The following LZTS1 variants were observed in gnomAD, a reference collection of about 807,000 sequenced individuals.
The protein encoded by LZTS1 is leucine zipper putative tumor suppressor 1.
A neutral mutation model predicts 45.8 loss-of-function variants in LZTS1; 31 were observed. The ratio of observed to expected loss-of-function variants is 0.68; its 90% CI spans 0.51 to 0.91. The LOEUF (loss-of-function observed/expected upper bound fraction) is 0.91. Among genes scored for constraint, LZTS1 ranks in the 40% least tolerant of loss-of-function variants. The pLI, the probability that LZTS1 is intolerant of heterozygous loss-of-function variation, is 0.00. For missense variants in LZTS1, 821 were observed against 788.9 expected (o/e 1.04, Z -0.49); for synonymous variants, 359 against 357.3 (o/e 1.00, Z -0.05).
chr8:20,255,669 C>T (rs1268205707), intron 1 of LZTS1, among the ~76,000 whole-genome samples: 1 of 151,752 alleles, frequency 6.6e-6, no homozygotes, highest in Non-Finnish European at 1.5e-5. Context: ...CTGCGGGTAC[C>T]AGTGCTGCGG....
chr8:20,253,529 T>C lies in LZTS1; in HGVS notation c.402A>G (p.Ser134=). The C allele has an allele frequency of 6.5e-7, 1 of 1,535,182 alleles. No homozygotes were observed. ...CCGGGGAGGAGTGCAGGATGGCTCC[T>C]GACCGTGGCAGCACAGGCTTGAAGG... ...PTAFKPVLPR[S]GAILHSSPES... The change falls in exon 3 of 4, where the codon TCA becomes TCG. Residue 134 remains serine (S), a synonymous_variant. Coordinates refer to ENST00000381569, the MANE Select transcript of LZTS1 (RefSeq NM_021020.5).
At position 20,250,349 on chromosome 8, in the gene LZTS1, T is replaced by C; in HGVS notation, c.1164A>G (p.Ser388=). The C allele has an allele frequency of 1.2e-6, 2 of 1,602,430 alleles. No homozygotes were observed. The highest frequency in any genetic ancestry group is 2.7e-5 in the African/African-American group (2 of 74,818). The change falls in exon 4 of 4, where the codon TCA becomes TCG. Residue 388 remains serine (S), a synonymous_variant. Transcript: ENST00000381569. ...EETQWEVCQK[S]GEISLLKQQL... is the part of the protein sequence containing the mutation. ...GCTGCTTCAGGAGGGAGATCTCGCC[T>C]GACTTCTGGCACACCTGCCGAGGGT...
In LZTS1 at chr8:20,250,046, C is replaced by T. The variant is rs769578675; in HGVS notation, c.1467G>A (p.Gly489=). ...RAQAALARDM[G]PPTFPEDVPA... ...GGACGTCCTCGGGGAAGGTGGGCGG[C>T]CCCATGTCGCGGGCCAGGGCGGCCT... Residue 489 remains glycine (G), a synonymous_variant, in exon 4 of 4, where the codon GGG becomes GGA. Transcript: ENST00000381569. 6.2e-7 allele frequency: 1 copy of T among 1,608,914 alleles called. No individual in the cohort carries two copies. The highest frequency in any genetic ancestry group is 2.2e-5 in the East Asian group (1 of 44,818).
intron 2 of LZTS1, 110 bp from the exon 3 acceptor site, chr8:20,253,695 A>G: frequency 1.3e-6 from 1 of 769,590 alleles, no homozygotes; most frequent in Non-Finnish European, 2.0e-6. Context: ...CTCTGAGCGC[A>G]CGCAGCACCC....
rs1563847460 is a variant in LZTS1 at position 20,249,898 on chromosome 8, C to A, written c.1615G>T (p.Val539Leu). 2 of 1,614,184 alleles carry A rather than the reference C, an allele frequency of 1.2e-6. No homozygotes were observed. Among genetic ancestry groups the A allele is most frequent in the Admixed American group, 1.7e-5 (1 of 60,030 alleles). Residue 539 changes from valine to leucine, a missense_variant, in exon 4 of 4, where the codon GTG becomes TTG. Coordinates refer to ENST00000381569, the MANE Select transcript of LZTS1 (RefSeq NM_021020.5). Reference protein sequence around the residue: ...RLVWKEEKEKVIQYQKQLQQS... With the variant: ...RLVWKEEKEKLIQYQKQLQQS... ...TGCAGCTGTTTCTGGTACTGAATCA[C>A]CTTCTCCTTCTCCTCCTTCCACACG...
chr8:20,251,112 TATATATATATATATATATA>T (rs200656894), intron 3 of LZTS1, among the ~76,000 whole-genome samples: 38,778 of 88,708 alleles, frequency 0.44, 8,302 homozygotes, highest in East Asian at 0.61. Context: ...TATATATATA[TATATATATATATATATATA>T]TATATATATA....
Position 20,303,745 on chromosome 8 carries a change from C to T in LZTS1, c.-140G>A, listed in dbSNP as rs1233250781. 1.0e-6 allele frequency: 1 copy of T among 985,474 alleles called. No individual in the cohort carries two copies. Among genetic ancestry groups the T allele is most frequent in the East Asian group, 1.1e-4 (1 of 8,824 alleles). 61.0% of individuals were successfully genotyped at this position (985,474 alleles called of 1,614,324 possible). A position where few individuals can be genotyped will look rare whatever the true frequency, so the allele number is the denominator to read the frequency against. On this transcript the variant is annotated 5_prime_UTR_variant, in exon 1 of 4. Coordinates refer to ENST00000381569, the MANE Select transcript of LZTS1 (RefSeq NM_021020.5). Reference sequence around the variant, plus strand: ...CCCCGGCCACCGCACCTTACCTGCCCCCTGCGCCTCGGGCGCACTTGAGAC... The same window carrying T: ...CCCCGGCCACCGCACCTTACCTGCCTCCTGCGCCTCGGGCGCACTTGAGAC...
At chr8:20,295,012 GGGCCCCAAGA>G in intron 1 of LZTS1, among the ~76,000 whole-genome samples, 1 of 152,032 alleles carries the variant, frequency 6.6e-6, no homozygotes, top group African/African-American at 2.4e-5. Context: ...CCTGGGTTGG[GGGCCCCAAGA>G]GGTCCCAAGC....
intron 1 of LZTS1, among the ~76,000 whole-genome samples, chr8:20,268,792 G>T (rs1800416650): frequency 6.6e-6 from 1 of 152,164 alleles, no homozygotes; most frequent in South Asian, 2.1e-4. Context: ...GGGAGCAGGG[G>T]CCCACGCAGC....
chr8:20,292,428 C>A (rs78832743), intron 1 of LZTS1, among the ~76,000 whole-genome samples: 6,773 of 152,254 alleles, frequency 0.044, 518 homozygotes, highest in African/African-American at 0.15. Flanking sequence ...CATATGAGAG[C>A]GGCAGAGAAC....
At chr8:20,272,406 C>T (rs960496616) in intron 1 of LZTS1, among the ~76,000 whole-genome samples, 6 of 152,268 alleles carry the variant, frequency 3.9e-5, no homozygotes, top group East Asian at 1.9e-4. Flanking sequence ...GCCTGACCCC[C>T]CTTCCCAGAT....
intron 1 of LZTS1, among the ~76,000 whole-genome samples, chr8:20,263,189 C>T (rs1469670929): frequency 6.6e-6 from 1 of 152,272 alleles, no homozygotes; most frequent in African/African-American, 2.4e-5. Flanking sequence ...GGTCTTAGTG[C>T]CACTGCCTAC....
intron 1 of LZTS1, among the ~76,000 whole-genome samples, chr8:20,272,492 T>C (rs982213926): frequency 6.6e-6 from 1 of 152,162 alleles, no homozygotes; most frequent in Admixed American, 6.5e-5. Flanking sequence ...GACATGGAAC[T>C]CTTTTTTGAG....
chr8:20,273,709 C>T (rs957661960), intron 1 of LZTS1, among the ~76,000 whole-genome samples: 20 of 152,170 alleles, frequency 1.3e-4, no homozygotes, highest in African/African-American at 4.8e-4. Context: ...CCCTGAGATT[C>T]CATAGCCACT....
At chr8:20,255,403 G>C (rs1031439678) in intron 1 of LZTS1, 88 bp from the exon 2 acceptor site, 46 of 923,074 alleles carry the variant, frequency 5.0e-5, no homozygotes, top group Non-Finnish European at 7.0e-5. Context: ...GGGCAGTAGA[G>C]AAACACATGT....
intron 2 of LZTS1, among the ~76,000 whole-genome samples, 165 bp downstream of exon 2, chr8:20,254,672 C>A (rs527541894): frequency 1.3e-5 from 2 of 152,330 alleles, no homozygotes; most frequent in African/African-American, 4.8e-5. Context: ...AACGTTTGAT[C>A]TCTGCGGTGT....
intron 1 of LZTS1, among the ~76,000 whole-genome samples, chr8:20,284,977 G>A (rs185799775): frequency 1.3e-5 from 2 of 152,176 alleles, no homozygotes; most frequent in African/African-American, 4.8e-5. Flanking sequence ...CTCATGGGGA[G>A]AACTCGGCCG....
chr8:20,296,134 T>C (rs1800975068), intron 1 of LZTS1, among the ~76,000 whole-genome samples: 1 of 152,170 alleles, frequency 6.6e-6, no homozygotes, highest in Non-Finnish European at 1.5e-5. Context: ...GAGGGTGATT[T>C]AGCAGCAAAT....
At position 20,249,516 on chromosome 8, in the gene LZTS1, G is replaced by A. The variant is rs1799823253; in HGVS notation, c.*206C>T. The A allele has an allele frequency of 4.8e-6, 3 of 629,538 alleles. No individual in the cohort carries two copies. The highest frequency in any genetic ancestry group is 8.1e-6 in the Non-Finnish European group (3 of 369,056). The allele number at this position is 629,538 out of a possible 1,614,324, so 39.0% of individuals were successfully genotyped here. On this transcript the variant is annotated 3_prime_UTR_variant, in exon 4 of 4. Transcript: ENST00000381569. ...GGGAAAGCCAGAGGAGTCAGGGCCTGACGTCTGGTGGGCTGCAGGGCTGGT... is the reference window on the plus strand; with the variant it reads ...GGGAAAGCCAGAGGAGTCAGGGCCTAACGTCTGGTGGGCTGCAGGGCTGGT...
Sources: allele counts gnomAD v4.1 joint callset (sites outside exome capture counted in the v4.1 genomes callset), GRCh38; gene constraint gnomAD v4.1.1; transcripts MANE v1.5; gene names NCBI Gene and HGNC (gene_info 2026-07-23, HGNC 2026-07-21).